TTN: variants seen among roughly 807,000 people sequenced by gnomAD.
TTN encodes titin, also known as connectin.
In TTN, 1,525 loss-of-function variants were observed where a neutral mutation model predicts 3,223.0. That is an observed-to-expected ratio of 0.47 (90% CI 0.45 to 0.49). The LOEUF is 0.49. Among genes scored for constraint, TTN ranks in the 20% least tolerant of loss-of-function variants. The pLI, the probability that TTN is intolerant of heterozygous loss-of-function variation, is 0.00. For missense variants in TTN, 40,786 were observed against 43,424.0 expected, an observed-to-expected ratio of 0.94 and a Z score of 5.40; for synonymous variants, 14,094 against 15,161.0, an observed-to-expected ratio of 0.93 and a Z score of 5.17.
rs190644373 is a variant in TTN, at chr2:178,753,015, A to G, written c.11311+109T>C. 669 of 829,976 alleles carry G rather than the reference A, an allele frequency of 8.1e-4. 11 individuals are homozygous for G. In the East Asian group the frequency reaches 0.015, roughly 18 times the overall value. 51.4% of individuals were successfully genotyped at this position (829,976 alleles called of 1,614,324 possible). A position where few individuals can be genotyped will look rare whatever the true frequency, so the allele number is the denominator to read the frequency against. On this transcript the variant is annotated intron_variant, in intron 47 of 362. Coordinates refer to ENST00000589042, the MANE Select transcript of TTN (RefSeq NM_001267550.2). ...TATATACTCTAAGAGATATATTTGT[A>G]TATCTATGTCATTTTTTTCTCAATA...
In TTN at chr2:178,710,904, A is replaced by C; in HGVS notation, c.28193T>G (p.Phe9398Cys). 6.2e-7 allele frequency: 1 copy of C among 1,613,304 alleles called. No homozygotes were observed. ...LILTEGKNPPFFDIRLAPVDA... is the reference protein window; with the variant it reads ...LILTEGKNPPCFDIRLAPVDA... ...CACAGGGGCAAGACGGATGTCAAAG[A>C]AGGGTGGGTTCTTCCCCTCTAATAG... is the stretch of plus-strand genomic sequence containing the variant. The change falls in exon 98 of 363, where the codon TTC becomes TGC. Residue 9398 changes from phenylalanine (F) to cysteine (C), a missense_variant. Physicochemically the swap from Phe to Cys is radical, Grantham distance 205 (BLOSUM62 -2). Transcript: ENST00000589042.
chr2:178,665,677 A>G (rs919600578), intron 164 of TTN, 31 bp downstream of exon 164: 1 of 1,308,134 alleles, frequency 7.6e-7, no homozygotes, highest in Non-Finnish European at 9.8e-7. Flanking sequence ...ACTCTAATAA[A>G]TGAAGGAAGG....
Position 178,547,961 on chromosome 2 carries a change from T to C in TTN, c.93665A>G (p.Asn31222Ser), listed in dbSNP as rs1559164640. 3.1e-6 allele frequency: 5 copies of C among 1,613,700 alleles called. No homozygotes were observed. Among genetic ancestry groups the C allele is most frequent in the Non-Finnish European group, 4.2e-6 (5 of 1,179,748 alleles). The change falls in exon 339 of 363, where the codon AAT (asparagine) becomes AGT (serine). Residue 31222 changes from asparagine to serine, a missense_variant. Coordinates refer to ENST00000589042, the MANE Select transcript of TTN (RefSeq NM_001267550.2). ...TCCTGCTTTGCAAGTTATAAGCTGATTGGTAATTCCAGTGAGGTCAGCAGT... is the reference window on the plus strand; with the variant it reads ...TCCTGCTTTGCAAGTTATAAGCTGACTGGTAATTCCAGTGAGGTCAGCAGT... Reference protein sequence around the residue: ...EPTADLTGITNQLITCKAGSP... With the variant: ...EPTADLTGITSQLITCKAGSP...
Position 178,544,248 on chromosome 2 carries a change from C to T in TTN, c.95981G>A (p.Ser31994Asn), listed in dbSNP as rs1317294203. The T allele has an allele frequency of 6.2e-7, 1 of 1,613,676 alleles. No individual in the cohort carries two copies. The highest frequency in any genetic ancestry group is 1.3e-5 in the African/African-American group (1 of 74,910). Residue 31994 changes from serine to asparagine, a missense_variant, in exon 345 of 363, where the codon AGC (serine) becomes AAC (asparagine). Ser to Asn is a conservative substitution (Grantham distance 46). Coordinates refer to ENST00000589042, the MANE Select transcript of TTN (RefSeq NM_001267550.2). ...TTCAGCAATTGATTCGCTGTATTCG[C>T]TCATACCCTTCACGTTCACGGCAGC... Reference protein sequence around the residue: ...RVAAVNVKGMSEYSESIAEIE... With the variant: ...RVAAVNVKGMNEYSESIAEIE...
intron 251 of TTN, 26 bp downstream of exon 251, chr2:178,618,558 T>C (rs2057755975): frequency 6.2e-7 from 1 of 1,607,480 alleles, no homozygotes; most frequent in Non-Finnish European, 8.5e-7. Flanking sequence ...CTTTGCCAAT[T>C]AAGTCTGAGA....
chr2:178,717,882 G>C, intron 86 of TTN, 61 bp downstream of exon 86: 4 of 1,572,916 alleles, frequency 2.5e-6, no homozygotes, highest in Non-Finnish European at 3.4e-6. Flanking sequence ...ATTCATAAAA[G>C]TTTTAACGTT....
intron 361 of TTN, 63 bp from the exon 362 acceptor site, chr2:178,527,811 C>G: frequency 1.4e-6 from 2 of 1,449,036 alleles, no homozygotes; most frequent in South Asian, 2.9e-5. Context: ...TGACATATGA[C>G]GCTGACTTAC....
chr2:178,622,442 A>G (rs1367993415), intron 243 of TTN, among the ~76,000 whole-genome samples: 1 of 151,924 alleles, frequency 6.6e-6, no homozygotes, highest in African/African-American at 2.4e-5. Context: ...TCAAACTAAT[A>G]TCTAAATCTC....
At position 178,715,771 on chromosome 2, in the gene TTN, G is replaced by A; in HGVS notation, c.25643C>T (p.Pro8548Leu). 6.3e-7 allele frequency: 1 copy of A among 1,575,170 alleles called. No homozygotes were observed. The highest frequency in any genetic ancestry group is 8.6e-7 in the Non-Finnish European group (1 of 1,158,572). Reference sequence around the variant, plus strand: ...TTCTAGCTTCTTAATGAACCTGGGTGGTTCTATGGAACCAAGAGGAAAAAC... The same window carrying A: ...TTCTAGCTTCTTAATGAACCTGGGTAGTTCTATGGAACCAAGAGGAAAAAC... ...SCSAQLGVQE[P>L]PRFIKKLEPS... The change falls in exon 89 of 363, where the codon CCA (proline) becomes CTA (leucine). Residue 8548 changes from proline (P) to leucine (L), a missense_variant. Physicochemically the swap from Pro to Leu is moderately conservative, Grantham distance 98. Coordinates refer to ENST00000589042, the MANE Select transcript of TTN (RefSeq NM_001267550.2).
At chr2:178,652,201 T>C (rs1489243467) in intron 203 of TTN, 22 bp from the exon 204 acceptor site, 5 of 1,612,340 alleles carry the variant, frequency 3.1e-6, no homozygotes, top group Non-Finnish European at 4.2e-6. Context: ...ATTATTATTT[T>C]CATTGTTAGA....
At chr2:178,705,014 T>C in intron 103 of TTN, 48 bp from the exon 104 acceptor site, 1 of 1,603,012 alleles carries the variant, frequency 6.2e-7, no homozygotes. Flanking sequence ...CAAAATTTGA[T>C]TTAGAGGACG....
rs534426018 is a variant in TTN at position 178,616,737 on chromosome 2, T to C, written c.48152A>G (p.Asn16051Ser). 24 of 1,612,572 alleles carry C rather than the reference T, an allele frequency of 1.5e-5. No individual in the cohort carries two copies. In the East Asian group the frequency reaches 2.2e-4, roughly 15 times the overall value. The stretch of plus-strand genomic sequence containing the variant: ...AATGTTTTGTTCCTTACCAATTACA[T>C]TGACATCAATTTCCCCAGAAATTGT... ...VKTISGEIDV[N>S]VIARPSAPKE... The change falls in exon 256 of 363, where the codon AAT becomes AGT. Residue 16051 changes from asparagine (N) to serine (S), a missense_variant. Coordinates refer to ENST00000589042, the MANE Select transcript of TTN (RefSeq NM_001267550.2).
In TTN at chr2:178,782,587, T is replaced by C. The variant is rs72647867; in HGVS notation, c.3116A>G (p.Glu1039Gly). The change falls in exon 19 of 363, where the codon GAA (glutamate) becomes GGA (glycine). Residue 1039 changes from glutamate to glycine, a missense_variant. Transcript: ENST00000589042. ...CTCAGTCACGGCTGTGGTTTCCTTT[T>C]CAAATTCTTCTGACACTAAAAGAAG... The part of the protein sequence containing the change: ...YLAVQVSEEF[E>G]KETTAVTEKF... The C allele has an allele frequency of 6.2e-7, 1 of 1,614,014 alleles. No homozygotes were observed. Among genetic ancestry groups the C allele is most frequent in the African/African-American group, 1.3e-5 (1 of 75,052 alleles).
intron 29 of TTN, 94 bp from the exon 30 acceptor site, chr2:178,774,567 C>T: frequency 3.2e-6 from 4 of 1,251,540 alleles, no homozygotes; most frequent in Non-Finnish European, 4.5e-6. Flanking sequence ...CTTTTATCTC[C>T]CCCATACTAT....
chr2:178,746,892 G>T (rs1171020785), intron 47 of TTN: 2 of 1,613,498 alleles, frequency 1.2e-6, no homozygotes, highest in South Asian at 1.1e-5. Flanking sequence ...GCTTCATTGG[G>T]TGTACCAAAT....
intron 33 of TTN, among the ~76,000 whole-genome samples, chr2:178,771,774 C>T (rs568329314): frequency 1.3e-5 from 2 of 152,160 alleles, no homozygotes; most frequent in East Asian, 3.9e-4. Context: ...CCAATTCCTT[C>T]TTCTTCAAAA....
rs781734969 is a variant in TTN, at chr2:178,562,848, T to A, written c.83284A>T (p.Arg27762Ter). ...GGGGCACTTGGTGAGTCAAGAACTCTGACGTTAACAAAAGCTGTTTTGGAG... is the reference window on the plus strand; with the variant it reads ...GGGGCACTTGGTGAGTCAAGAACTCAGACGTTAACAAAAGCTGTTTTGGAG... ...SGSKTAFVNV[R>*]VLDSPSAPVN... The change falls in exon 326 of 363, where the codon AGA becomes TGA. Residue 27762 changes from arginine to a stop codon, truncating the protein, a stop_gained. Coordinates refer to ENST00000589042, the MANE Select transcript of TTN (RefSeq NM_001267550.2). LOFTEE classifies it high-confidence loss of function. The A allele has an allele frequency of 6.2e-7, 1 of 1,613,038 alleles. No individual in the cohort carries two copies. The highest frequency in any genetic ancestry group is 8.5e-7 in the Non-Finnish European group (1 of 1,179,488).
At position 178,597,574 on chromosome 2, in the gene TTN, C is replaced by T. The variant is rs750947988; in HGVS notation, c.57508G>A (p.Gly19170Arg). Reference sequence around the variant, plus strand: ...ACAATAATTGTCTTCTTTCTTTCTCCGGCTTCATTTTTGGCAAGAAGAGAA... The same window carrying T: ...ACAATAATTGTCTTCTTTCTTTCTCTGGCTTCATTTTTGGCAAGAAGAGAA... Reference protein sequence around the residue: ...VYSLLAKNEAGERKKTIIVDV... With the variant: ...VYSLLAKNEARERKKTIIVDV... The change falls in exon 294 of 363, where the codon GGA becomes AGA. Residue 19170 changes from glycine (G) to arginine (R), a missense_variant. By Grantham distance (125) the Gly-to-Arg change is moderately radical. Transcript: ENST00000589042. The T allele has an allele frequency of 1.7e-5, 28 of 1,612,418 alleles. No homozygotes were observed. Among genetic ancestry groups the T allele is most frequent in the Admixed American group, 1.7e-4 (10 of 59,816 alleles).
At chr2:178,669,348 G>C in intron 159 of TTN, 25 bp downstream of exon 159, 1 of 1,507,522 alleles carries the variant, frequency 6.6e-7, no homozygotes, top group Non-Finnish European at 8.8e-7. Flanking sequence ...AAACGAAAAA[G>C]AACCACTAAT....
Sources: allele counts gnomAD v4.1 joint callset (sites outside exome capture counted in the v4.1 genomes callset), GRCh38; gene constraint gnomAD v4.1.1; transcripts MANE v1.5; gene names NCBI Gene and HGNC (gene_info 2026-07-23, HGNC 2026-07-21).